The following CLTRN variants were observed in gnomAD, a reference collection of about 807,000 sequenced individuals.
CLTRN encodes collectrin.
In CLTRN, 12 loss-of-function variants were observed where a neutral mutation model predicts 14.5. The ratio of observed to expected loss-of-function variants is 0.83; its 90% CI spans 0.53 to 1.34. The LOEUF is 1.34. CLTRN is among the 40% of genes most tolerant of loss of function. CLTRN has a pLI of 0.00. For synonymous variants in CLTRN, 58 were observed against 56.5 expected (o/e 1.03, Z -0.12); for missense variants, 154 against 165.1 (o/e 0.93, Z 0.37).
intron 5 of CLTRN, among the ~76,000 whole-genome samples, chrX:15,632,502 C>T (rs1443245515): frequency 1.8e-5 from 2 of 109,848 alleles, no homozygotes; most frequent in East Asian, 2.9e-4. Flanking sequence ...TGCTTGAACC[C>T]GGGAGGTGGA....
At chrX:15,671,742 T>C (rs1448321781) in intron 1 of CLTRN, among the ~76,000 whole-genome samples, 2 of 111,426 alleles carry the variant, frequency 1.8e-5, no homozygotes, top group Non-Finnish European at 1.9e-5. Flanking sequence ...TTATTTTTCA[T>C]TGGCCATCTT....
At chrX:15,665,330 T>G (rs1929599799), upstream of CLTRN, among the ~76,000 whole-genome samples, 1 of 111,394 alleles carries the variant, frequency 9.0e-6, no homozygotes, top group South Asian at 3.8e-4. Flanking sequence ...CTACTTAAGG[T>G]TAGAGGGTGG....
At chrX:15,644,124 C>A (rs1466067566) in intron 4 of CLTRN, among the ~76,000 whole-genome samples, 1 of 111,997 alleles carries the variant, frequency 8.9e-6, no homozygotes, top group Non-Finnish European at 1.9e-5. Context: ...AGGAGTACAA[C>A]TGTCGGGAAG....
chrX:15,672,015 G>C (rs1403567924), intron 1 of CLTRN, among the ~76,000 whole-genome samples: 2 of 111,433 alleles, frequency 1.8e-5, no homozygotes, highest in Non-Finnish European at 3.8e-5. Context: ...AAATTTTGTA[G>C]GTTAATCAGT....
intron 4 of CLTRN, among the ~76,000 whole-genome samples, chrX:15,643,655 C>A (rs1035509506): frequency 1.8e-5 from 2 of 112,193 alleles, no homozygotes; most frequent in African/African-American, 6.5e-5. Context: ...TTCTTAGTGG[C>A]CACAGTGAAG....
At position 15,639,579 on chromosome X, in the gene CLTRN, C is replaced by G; in HGVS notation, c.495G>C (p.Gly165=). The change falls in exon 5 of 6, where the codon GGG becomes GGC. Residue 165 remains glycine (G), a synonymous_variant. Transcript: ENST00000380342. ...TATCTTACCTTCTACGTTGCCAGAT[C>G]CCTGATAAAATCAGTAGTGCAATTG... is the stretch of plus-strand genomic sequence containing the variant. The part of the protein sequence containing the change: ...IVAIALLILS[G]IWQRRRKNKE... 6.6e-6 allele frequency: 8 copies of G among 1,207,095 alleles called. No homozygotes were observed. The highest frequency in any genetic ancestry group is 9.0e-6 in the Non-Finnish European group (8 of 893,069).
chrX:15,632,085 G>A (rs1210283617), intron 5 of CLTRN, among the ~76,000 whole-genome samples: 2 of 111,502 alleles, frequency 1.8e-5, no homozygotes, highest in African/African-American at 3.3e-5. Context: ...TTCCTGGAAC[G>A]AGCTCCTAGA....
intron 3 of CLTRN, among the ~76,000 whole-genome samples, chrX:15,656,612 T>C (rs950507881): frequency 9.0e-6 from 1 of 110,825 alleles, no homozygotes; most frequent in East Asian, 2.8e-4. Flanking sequence ...GTATCTTCCA[T>C]CCACCTGCCA....
chrX:15,644,608 C>T (rs1182133707), intron 4 of CLTRN, among the ~76,000 whole-genome samples: 2 of 110,887 alleles, frequency 1.8e-5, no homozygotes, highest in Admixed American at 1.9e-4. Flanking sequence ...CTATTGGGTC[C>T]CTAACTTCTG....
At chrX:15,656,072 C>G (rs1385044124) in intron 3 of CLTRN, among the ~76,000 whole-genome samples, 1 of 111,912 alleles carries the variant, frequency 8.9e-6, no homozygotes, top group Non-Finnish European at 1.9e-5. Flanking sequence ...CCACAGCCCT[C>G]TCTGCAAGCC....
At chrX:15,665,220 C>T (rs1302230199), upstream of CLTRN, among the ~76,000 whole-genome samples, 2 of 111,646 alleles carry the variant, frequency 1.8e-5, no homozygotes, top group African/African-American at 6.5e-5. Context: ...ACGTGACTCC[C>T]TTCTCTCTGG....
chrX:15,646,463 C>CA, intron 3 of CLTRN: 2 of 186,389 alleles, frequency 1.1e-5, no homozygotes, highest in Non-Finnish European at 1.9e-5. Context: ...CGCGCACCCA[C>CA]CCCCCCGCCC....
Position 15,639,725 on chromosome X carries a change from A to G in CLTRN, c.349T>C (p.Phe117Leu). Reference sequence around the variant, plus strand: ...AATTCCAGAGTTTGGTCATTTAGAAAGAAGGCATTGTTGATCCGGTTCTTG... The same window carrying G: ...AATTCCAGAGTTTGGTCATTTAGAAGGAAGGCATTGTTGATCCGGTTCTTG... ...MNKNRINNAFFLNDQTLEFLK... is the reference protein window; with the variant it reads ...MNKNRINNAFLLNDQTLEFLK... Residue 117 changes from phenylalanine to leucine, a missense_variant, in exon 5 of 6, where the codon TTT (phenylalanine) becomes CTT (leucine). Transcript: ENST00000380342. 1.7e-6 allele frequency: 2 copies of G among 1,207,856 alleles called. No homozygotes were observed. The highest frequency in any genetic ancestry group is 3.6e-5 in the South Asian group (2 of 55,940).
At chrX:15,674,629 G>C (rs1297446390) in intron 1 of CLTRN, among the ~76,000 whole-genome samples, 1 of 112,771 alleles carries the variant, frequency 8.9e-6, no homozygotes, top group East Asian at 2.8e-4. Context: ...GAGAGGATCA[G>C]AGATCCGCAG....
chrX:15,662,977 C>T (rs754797689), intron 2 of CLTRN, among the ~76,000 whole-genome samples: 12 of 111,455 alleles, frequency 1.1e-4, no homozygotes, highest in Non-Finnish European at 1.5e-4. Context: ...CTAATCTTTA[C>T]TCTCACCAAG....
At chrX:15,644,813 T>G (rs1400871873) in intron 4 of CLTRN, 103 bp downstream of exon 4, 3 of 488,392 alleles carry the variant, frequency 6.1e-6, no homozygotes, top group Non-Finnish European at 1.0e-5. Flanking sequence ...AATAAATAAT[T>G]CATGTATGAA....
intron 5 of CLTRN, among the ~76,000 whole-genome samples, chrX:15,630,549 C>T (rs758788818): frequency 1.9e-4 from 21 of 112,362 alleles, no homozygotes; most frequent in Non-Finnish European, 3.8e-4. Context: ...ATCCCAATGT[C>T]ATCATTTGAA....
At chrX:15,634,919 A>C (rs995667418) in intron 5 of CLTRN, among the ~76,000 whole-genome samples, 18 of 106,944 alleles carry the variant, frequency 1.7e-4, no homozygotes, top group African/African-American at 6.1e-4. Flanking sequence ...TGTACCCTAA[A>C]ACTTAAATTA....
intron 4 of CLTRN, among the ~76,000 whole-genome samples, chrX:15,641,376 C>T (rs1031540499): frequency 2.7e-5 from 3 of 111,970 alleles, no homozygotes; most frequent in African/African-American, 9.7e-5. Context: ...CTTCGTGTGA[C>T]TTAAAATTTT....
Sources: allele counts gnomAD v4.1 joint callset (sites outside exome capture counted in the v4.1 genomes callset), GRCh38; gene constraint gnomAD v4.1.1; transcripts MANE v1.5; gene names NCBI Gene and HGNC (gene_info 2026-07-23, HGNC 2026-07-21).